The following KIRREL3 variants were observed in gnomAD, a reference collection of about 807,000 sequenced individuals.
KIRREL3 encodes kin of IRRE-like protein 3.
KIRREL3 carries 36 observed loss-of-function variants against 89.7 expected under a neutral mutation model. The ratio of observed to expected loss-of-function variants is 0.40; its 90% CI spans 0.31 to 0.53. KIRREL3 has a LOEUF of 0.53. Among genes scored for constraint, KIRREL3 ranks in the 20% least tolerant of loss-of-function variants. The probability of loss-of-function intolerance (pLI) is 0.49; values close to 1 mark genes in which losing one functional copy is unlikely to be tolerated. For synonymous variants in KIRREL3, 445 were observed against 441.4 expected, an observed-to-expected ratio of 1.01 and a Z score of -0.10; for missense variants, 864 against 1,056.6, an observed-to-expected ratio of 0.82 and a Z score of 2.53.
In KIRREL3 at chr11:126,530,616, T is replaced by C. The variant is rs1329128686; in HGVS notation, c.134-3929A>G. 6.6e-6 allele frequency among the ~76,000 whole-genome samples: 1 copy of C among 152,160 alleles called. No individual in the cohort carries two copies. Among genetic ancestry groups the C allele is most frequent in the Non-Finnish European group, 1.5e-5 (1 of 68,024 alleles). On this transcript the variant is annotated intron_variant, in intron 2 of 16. Transcript: ENST00000525144. This position sits in a 1 kb window ranked among gnomAD's most constrained non-coding sequence, Gnocchi z 5.8. Reference sequence around the variant, plus strand: ...GGCCACCCCTCCAGGAGCTCGCAGCTGTGCCCCCTCCCCATCACACCTGGG... The same window carrying C: ...GGCCACCCCTCCAGGAGCTCGCAGCCGTGCCCCCTCCCCATCACACCTGGG...
In KIRREL3 at chr11:126,729,980, ACT is replaced by A. The variant is rs1948548010; in HGVS notation, c.56-167070_56-167069del. Reference sequence around the variant, plus strand: ...CTGTGACGGCTTCCTTCTTCAGGAAACTCTTTTGTTGTCTTATTTCTGGGACA... The same window carrying A: ...CTGTGACGGCTTCCTTCTTCAGGAAACTTTTGTTGTCTTATTTCTGGGACA... On this transcript the variant is annotated intron_variant, in intron 1 of 16. Transcript: ENST00000525144. The surrounding 1 kb of genome is among the most constrained non-coding windows in gnomAD (Gnocchi z 4.5). 6.7e-6 allele frequency among the ~76,000 whole-genome samples: 1 copy of A among 150,202 alleles called. No homozygotes were observed. The highest frequency in any genetic ancestry group is 2.1e-4 in the South Asian group (1 of 4,730).
rs1342085572 is a variant in KIRREL3, at chr11:126,431,423, C to T, written c.1692G>A (p.Gln564=). Residue 564 remains glutamine (Q), a synonymous_variant, in exon 14 of 17, where the codon CAG becomes CAA. Transcript: ENST00000525144. The surrounding 1 kb of genome is among the most constrained non-coding windows in gnomAD (Gnocchi z 7.1). ...TCCCGGATCTCCCTCCCGTACTTCT[C>T]TGGGAACGGGCACAGCAGAACGCCA... is the stretch of plus-strand genomic sequence containing the variant. ...TIVAFCCARS[Q]RNLKGVVSAK... is the part of the protein sequence containing the mutation. 5 of 1,613,940 alleles carry T rather than the reference C, an allele frequency of 3.1e-6. No homozygotes were observed. Among genetic ancestry groups the T allele is most frequent in the South Asian group, 1.1e-5 (1 of 91,094 alleles).
intron 1 of KIRREL3, among the ~76,000 whole-genome samples, chr11:126,942,682 A>T (rs961674290): frequency 6.6e-5 from 10 of 152,186 alleles, no homozygotes; most frequent in African/African-American, 2.4e-4. Context: ...CAAGTCCTTC[A>T]GTGTAATGCA....
rs908339687 is a variant in KIRREL3 at position 126,734,012 on chromosome 11, A to G, written c.56-171100T>C. Among the ~76,000 whole-genome samples, 2 of 152,174 alleles carry G rather than the reference A, an allele frequency of 1.3e-5. No homozygotes were observed. Among genetic ancestry groups the G allele is most frequent in the Non-Finnish European group, 2.9e-5 (2 of 68,028 alleles). ...GGTGAGGTGGGAAGCAGCCCAGAAG[A>G]GGTCAGCGTCTGCCTCTCAAGGTGT... On this transcript the variant is annotated intron_variant, in intron 1 of 16. Coordinates refer to ENST00000525144, the MANE Select transcript of KIRREL3 (RefSeq NM_032531.4). This position sits in a 1 kb window ranked among gnomAD's most constrained non-coding sequence, Gnocchi z 5.9.
At chr11:126,822,721 G>A (rs1420602332) in intron 1 of KIRREL3, among the ~76,000 whole-genome samples, 1 of 152,188 alleles carries the variant, frequency 6.6e-6, no homozygotes, top group African/African-American at 2.4e-5. Flanking sequence ...CAGCTGGTCT[G>A]AGCAGGAGGG....
At position 126,724,565 on chromosome 11, in the gene KIRREL3, C is replaced by T. The variant is rs545195933; in HGVS notation, c.56-161653G>A. ...CCATGAATTTCCAGCTGAAGCAACACGTTTCTGTCCCCAAGGGATGAAGAA... is the reference window on the plus strand; with the variant it reads ...CCATGAATTTCCAGCTGAAGCAACATGTTTCTGTCCCCAAGGGATGAAGAA... On this transcript the variant is annotated intron_variant, in intron 1 of 16. Coordinates refer to ENST00000525144, the MANE Select transcript of KIRREL3 (RefSeq NM_032531.4). The surrounding 1 kb of genome is among the most constrained non-coding windows in gnomAD (Gnocchi z 4.3). 3.9e-5 allele frequency among the ~76,000 whole-genome samples: 6 copies of T among 152,314 alleles called. No homozygotes were observed. The highest frequency in any genetic ancestry group is 4.1e-4 in the South Asian group (2 of 4,832).
At position 126,948,888 on chromosome 11, in the gene KIRREL3, C is replaced by T. The variant is rs1447448404; in HGVS notation, c.55+51567G>A. On this transcript the variant is annotated intron_variant, in intron 1 of 16. Coordinates refer to ENST00000525144, the MANE Select transcript of KIRREL3 (RefSeq NM_032531.4). This position sits in a 1 kb window ranked among gnomAD's most constrained non-coding sequence, Gnocchi z 4.5. ...ATCCCCAACCCTACAGCCTCCAAAACATAATCCCATATACATATACCATAT... is the reference window on the plus strand; with the variant it reads ...ATCCCCAACCCTACAGCCTCCAAAATATAATCCCATATACATATACCATAT... Among the ~76,000 whole-genome samples, 1 of 152,196 alleles carries T rather than the reference C, an allele frequency of 6.6e-6. No individual in the cohort carries two copies. Among genetic ancestry groups the T allele is most frequent in the Non-Finnish European group, 1.5e-5 (1 of 68,038 alleles).
At chr11:126,506,321 C>G (rs556618029) in intron 4 of KIRREL3, among the ~76,000 whole-genome samples, 1 of 152,230 alleles carries the variant, frequency 6.6e-6, no homozygotes, top group Non-Finnish European at 1.5e-5. Flanking sequence ...AAAAGGCAAA[C>G]TACAAACTGA....
intron 1 of KIRREL3, among the ~76,000 whole-genome samples, chr11:126,893,994 G>A (rs1262269864): frequency 1.3e-5 from 2 of 152,140 alleles, no homozygotes; most frequent in African/African-American, 4.8e-5. Context: ...ATGAGATGGC[G>A]GGTATGACAG....
intron 1 of KIRREL3, among the ~76,000 whole-genome samples, chr11:126,939,548 G>A (rs11220667): frequency 0.013 from 2,031 of 152,234 alleles, 55 homozygotes; most frequent in East Asian, 0.11. Flanking sequence ...CTTAAGTGGC[G>A]TTTCCAGGAG....
chr11:126,968,957 C>T (rs1331217524), intron 1 of KIRREL3, among the ~76,000 whole-genome samples: 7 of 152,154 alleles, frequency 4.6e-5, no homozygotes, highest in African/African-American at 1.7e-4. Context: ...CTCTGAGGTC[C>T]CTTCGACTCT....
rs568840836 is a variant in KIRREL3, at chr11:126,762,024, C to T, written c.56-199112G>A. ...TGAAACCCTATCTCTACTAAAAATA[C>T]AAAAGTTAGCTGGGGATGGTGGTGT... On this transcript the variant is annotated intron_variant, in intron 1 of 16. Coordinates refer to ENST00000525144, the MANE Select transcript of KIRREL3 (RefSeq NM_032531.4). 6.6e-5 allele frequency among the ~76,000 whole-genome samples: 10 copies of T among 152,104 alleles called. No individual in the cohort carries two copies. The East Asian group carries it at 1.9e-3, about 29-fold the overall frequency.
At chr11:126,637,906 A>C (rs1267118692) in intron 1 of KIRREL3, among the ~76,000 whole-genome samples, 1 of 152,220 alleles carries the variant, frequency 6.6e-6, no homozygotes, top group Non-Finnish European at 1.5e-5. Flanking sequence ...ACCATTGTAC[A>C]GTGGAAAACA....
Position 126,954,746 on chromosome 11 carries a change from C to T in KIRREL3, c.55+45709G>A, listed in dbSNP as rs949096530. Among the ~76,000 whole-genome samples, 5 of 152,170 alleles carry T rather than the reference C, an allele frequency of 3.3e-5. No individual in the cohort carries two copies. Among genetic ancestry groups the T allele is most frequent in the African/African-American group, 1.2e-4 (5 of 41,424 alleles). ...TATATTGAGTTCCTACCGTGGTAGG[C>T]TTCATCCCTGTAGATGGCCTGGCTT... On this transcript the variant is annotated intron_variant, in intron 1 of 16. Coordinates refer to ENST00000525144, the MANE Select transcript of KIRREL3 (RefSeq NM_032531.4). The surrounding 1 kb of genome is among the most constrained non-coding windows in gnomAD (Gnocchi z 4.1).
intron 1 of KIRREL3, among the ~76,000 whole-genome samples, chr11:126,958,718 T>C (rs745679820): frequency 1.3e-5 from 2 of 152,224 alleles, no homozygotes; most frequent in Non-Finnish European, 2.9e-5. Flanking sequence ...AAAGCATCCC[T>C]AGCAAAGGGT....
rs1958797379 is a variant in KIRREL3, at chr11:126,527,439, A to T, written c.134-752T>A. On this transcript the variant is annotated intron_variant, in intron 2 of 16. Transcript: ENST00000525144. This position sits in a 1 kb window ranked among gnomAD's most constrained non-coding sequence, Gnocchi z 4.2. ...ATTTTATTAAACAAACCCATCCACA[A>T]TGCTTACAAGATGCCATGCTCTGTT... is the stretch of plus-strand genomic sequence containing the variant. Among the ~76,000 whole-genome samples, 1 of 152,214 alleles carries T rather than the reference A, an allele frequency of 6.6e-6. No individual in the cohort carries two copies. The highest frequency in any genetic ancestry group is 2.1e-4 in the South Asian group (1 of 4,834).
chr11:126,998,005 G>A (rs549428074), intron 1 of KIRREL3, among the ~76,000 whole-genome samples: 10 of 152,050 alleles, frequency 6.6e-5, no homozygotes, highest in South Asian at 2.1e-4. Flanking sequence ...CGGGTGGGGG[G>A]GTGTAACCTC....
intron 1 of KIRREL3, among the ~76,000 whole-genome samples, chr11:126,762,170 CA>C (rs34929676): frequency 0.37 from 56,509 of 151,088 alleles, 10,927 homozygotes; most frequent in Non-Finnish European, 0.39. Context: ...GTGAGACTGT[CA>C]TAAATAAATA....
At chr11:126,935,464 T>C (rs1031051925) in intron 1 of KIRREL3, 1 of 152,184 alleles carries the variant, frequency 6.6e-6, no homozygotes, top group Admixed American at 6.5e-5. Flanking sequence ...TGCCAACACT[T>C]GGAAGCAACC....
Sources: allele counts gnomAD v4.1 joint callset (sites outside exome capture counted in the v4.1 genomes callset), GRCh38; gene constraint gnomAD v4.1.1; non-coding constraint Gnocchi (gnomAD v3.1); transcripts MANE v1.5; gene names NCBI Gene and HGNC (gene_info 2026-07-23, HGNC 2026-07-21).